Variants in CACNA1D observed in about 807,000 individuals in gnomAD.
CACNA1D encodes the protein voltage-dependent L-type calcium channel subunit alpha-1D.
Under a neutral mutation model 257.1 loss-of-function variants are expected in CACNA1D, and 55 were observed. The observed-to-expected ratio is 0.21, with a 90% CI of 0.17 to 0.27. The LOEUF (loss-of-function observed/expected upper bound fraction) is 0.27, where lower values mean the gene tolerates loss of function less well. CACNA1D is among the 10% of genes least tolerant of loss of function. CACNA1D has a pLI of 1.00. For missense variants in CACNA1D, 1,876 were observed against 2,784.0 expected, an observed-to-expected ratio of 0.67 and a Z score of 7.34; for synonymous variants, 980 against 1,014.9, an observed-to-expected ratio of 0.97 and a Z score of 0.65.
intron 3 of CACNA1D, among the ~76,000 whole-genome samples, chr3:53,642,442 T>C (rs1007704872): frequency 2.6e-5 from 4 of 152,194 alleles, no homozygotes; most frequent in Non-Finnish European, 4.4e-5. Context: ...TTATTGCCCC[T>C]GGGATGAGAG....
At chr3:53,636,852 A>G (rs1472570542) in intron 3 of CACNA1D, among the ~76,000 whole-genome samples, 1 of 152,198 alleles carries the variant, frequency 6.6e-6, no homozygotes, top group Non-Finnish European at 1.5e-5. Flanking sequence ...CTCTGTGCAG[A>G]TCCTCTGGAG....
chr3:53,761,644 A>T (rs2095303076), intron 29 of CACNA1D, among the ~76,000 whole-genome samples: 1 of 152,120 alleles, frequency 6.6e-6, no homozygotes, highest in South Asian at 2.1e-4. Flanking sequence ...TCAGATCGTG[A>T]GGGTTTGGGA....
At chr3:53,588,427 G>T (rs2093253388) in intron 3 of CACNA1D, among the ~76,000 whole-genome samples, 1 of 152,198 alleles carries the variant, frequency 6.6e-6, no homozygotes, top group South Asian at 2.1e-4. Context: ...CTGAGGATGA[G>T]CTCTGCTTTG....
At chr3:53,775,768 T>C (rs970270618) in intron 34 of CACNA1D, 118 bp from the exon 35 acceptor site, 15 of 981,826 alleles carry the variant, frequency 1.5e-5, no homozygotes, top group Admixed American at 6.9e-5. Context: ...TAATTCAAAT[T>C]GGATTTTCTT....
chr3:53,746,839 C>A (rs1439465332), intron 25 of CACNA1D, among the ~76,000 whole-genome samples: 1 of 152,190 alleles, frequency 6.6e-6, no homozygotes, highest in Middle Eastern at 3.2e-3. Context: ...TAATGCAATT[C>A]TTTCGGAAAG....
intron 11 of CACNA1D, among the ~76,000 whole-genome samples, chr3:53,720,247 CTATA>C (rs1360175891): frequency 6.6e-6 from 1 of 152,116 alleles, no homozygotes; most frequent in Non-Finnish European, 1.5e-5. Flanking sequence ...CATTTTCCTA[CTATA>C]TATAAACACT....
At chr3:53,739,101 A>T (rs2095088499) in intron 20 of CACNA1D, among the ~76,000 whole-genome samples, 1 of 152,208 alleles carries the variant, frequency 6.6e-6, no homozygotes, top group Non-Finnish European at 1.5e-5. Flanking sequence ...AGGTCCTCGC[A>T]TTATTGTGAC....
intron 4 of CACNA1D, among the ~76,000 whole-genome samples, chr3:53,659,491 T>C (rs866921027): frequency 3.9e-5 from 6 of 152,362 alleles, no homozygotes; most frequent in Middle Eastern, 3.4e-3. Flanking sequence ...ATTCATCAGA[T>C]ATTTTTGGAG....
intron 3 of CACNA1D, among the ~76,000 whole-genome samples, chr3:53,577,881 G>A (rs1225565896): frequency 6.6e-6 from 1 of 152,020 alleles, no homozygotes; most frequent in African/African-American, 2.4e-5. Context: ...ACATTAAGTT[G>A]ATTCTACCTT....
chr3:53,595,967 C>T (rs2093364915), intron 3 of CACNA1D, among the ~76,000 whole-genome samples: 1 of 152,092 alleles, frequency 6.6e-6, no homozygotes, highest in Non-Finnish European at 1.5e-5. Context: ...CCGGTTTAGA[C>T]CTTCTTGATC....
intron 3 of CACNA1D, among the ~76,000 whole-genome samples, chr3:53,517,514 C>T (rs1269525128): frequency 6.7e-6 from 1 of 150,336 alleles, no homozygotes; most frequent in East Asian, 1.9e-4. Flanking sequence ...GACAGAGTCT[C>T]ACTCTGTCAC....
intron 3 of CACNA1D, among the ~76,000 whole-genome samples, chr3:53,507,528 G>T (rs1453779455): frequency 6.6e-6 from 1 of 152,158 alleles, no homozygotes; most frequent in Non-Finnish European, 1.5e-5. Context: ...TGAGGTGGGG[G>T]GATTGCTTGT....
chr3:53,634,047 T>C (rs1221273311), intron 3 of CACNA1D, among the ~76,000 whole-genome samples: 1 of 152,240 alleles, frequency 6.6e-6, no homozygotes, highest in African/African-American at 2.4e-5. Context: ...TGGCCCTTCA[T>C]GTTCAGATGT....
At chr3:53,730,090 T>C (rs969380239) in intron 15 of CACNA1D, among the ~76,000 whole-genome samples, 3 of 152,258 alleles carry the variant, frequency 2.0e-5, no homozygotes, top group Non-Finnish European at 4.4e-5. Flanking sequence ...ACCATGTTTA[T>C]GTTATAGATT....
chr3:53,809,508 C>T (rs2106895235), intron 46 of CACNA1D: 1 of 234,310 alleles, frequency 4.3e-6, no homozygotes, highest in African/African-American at 2.2e-5. Context: ...AAGACCGGGG[C>T]TTGTACCCAG....
intron 11 of CACNA1D, among the ~76,000 whole-genome samples, chr3:53,720,777 A>G (rs2094875066): frequency 6.6e-6 from 1 of 152,244 alleles, no homozygotes; most frequent in East Asian, 1.9e-4. Context: ...ATTGGTGGGA[A>G]CTTTCATACA....
At chr3:53,546,288 C>T (rs746370463) in intron 3 of CACNA1D, among the ~76,000 whole-genome samples, 6 of 152,102 alleles carry the variant, frequency 3.9e-5, no homozygotes, top group Admixed American at 2.0e-4. Flanking sequence ...CTGGGGGAAC[C>T]GGCAGCTGGA....
At chr3:53,744,673 G>A (rs933247070) in intron 22 of CACNA1D, 67 bp from the exon 23 acceptor site, 1 of 867,780 alleles carries the variant, frequency 1.2e-6, no homozygotes, top group African/African-American at 1.6e-5. Context: ...CAGTGAAAGG[G>A]TGAATCTCAA....
intron 4 of CACNA1D, among the ~76,000 whole-genome samples, chr3:53,655,800 GT>G (rs2094142372): frequency 6.6e-6 from 1 of 152,074 alleles, no homozygotes; most frequent in African/African-American, 2.4e-5. Flanking sequence ...CATATGTCAG[GT>G]TTTGCTTTTG....
Sources: gnomAD v4.1 joint callset for allele counts (sites outside exome capture counted in the v4.1 genomes callset) on GRCh38, gnomAD v4.1.1 for gene constraint, MANE v1.5 for transcripts, NCBI Gene and HGNC (gene_info 2026-07-23, HGNC 2026-07-21) for gene names.